DNAJC4: variants seen among roughly 807,000 people sequenced by gnomAD.
DNAJC4 encodes dnaJ homolog subfamily C member 4.
A neutral mutation model predicts 26.8 loss-of-function variants in DNAJC4; 26 were observed. The ratio of observed to expected loss-of-function variants is 0.97; its 90% confidence interval spans 0.71 to 1.34. DNAJC4 has a LOEUF of 1.34. Ranked by LOEUF, DNAJC4 falls within the 40% of genes most tolerant of loss-of-function variation. The pLI is 0.00. For synonymous variants in DNAJC4, 134 were observed against 127.8 expected (o/e 1.05, Z -0.33); for missense variants, 342 against 321.1 (o/e 1.07, Z -0.50).
chr11:64,234,105 AACG>A lies in DNAJC4; in HGVS notation c.648_650del (p.Arg217del). On this transcript the variant is annotated inframe_deletion, in exon 6 of 6. Transcript: ENST00000628077. The surrounding 1 kb of genome is among the most constrained non-coding windows in gnomAD (Gnocchi z 5.3). ...AGAGGCATCCTTCAGCAGGAGCGAC[AACG>A]GCTAGGGCAGCGGCAGCCGCCACCA... is the stretch of plus-strand genomic sequence containing the variant. The A allele has an allele frequency of 4.4e-6, 7 of 1,608,570 alleles. No individual in the cohort carries two copies. Among genetic ancestry groups the A allele is most frequent in the Non-Finnish European group, 5.9e-6 (7 of 1,178,626 alleles).
At position 64,231,971 on chromosome 11, in the gene DNAJC4, G is replaced by T. The variant is rs758063672; in HGVS notation, c.180+7G>T. On this transcript the variant is annotated splice_region_variant and intron_variant, in intron 2 of 5. Transcript: ENST00000628077. ...CTTCTCCAAGTCCAAAGAGGTACCC[G>T]TACCCCTGAGGTGGGGAGGGGGAGC... is the stretch of plus-strand genomic sequence containing the variant. 1 of 1,613,894 alleles carries T rather than the reference G, an allele frequency of 6.2e-7. No individual in the cohort carries two copies. The highest frequency in any genetic ancestry group is 1.1e-5 in the South Asian group (1 of 91,078).
At chr11:64,232,306 G>C (rs1947186223) in intron 2 of DNAJC4, 124 bp from the exon 3 acceptor site, 4 of 1,269,576 alleles carry the variant, frequency 3.2e-6, no homozygotes, top group African/African-American at 1.5e-5. Context: ...GCAGGCCTGA[G>C]TGAGGGTCAC....
rs907258476 is a variant in DNAJC4 at position 64,230,658 on chromosome 11, C to A, written c.-197C>A. On this transcript the variant is annotated 5_prime_UTR_variant, in exon 1 of 6. The change creates a premature stop within an existing upstream ORF in the 5' untranslated region. Coordinates refer to ENST00000628077, the MANE Select transcript of DNAJC4 (RefSeq NM_005528.4). ...TGGGAAGGGCTGCGGATGCCCGGGT[C>A]AGAGGAAGGGGCAGGTCCAAGGACA... The A allele has an allele frequency of 1.4e-6, 1 of 729,998 alleles. No individual in the cohort carries two copies. The highest frequency in any genetic ancestry group is 2.3e-6 in the Non-Finnish European group (1 of 442,294). 45.2% of individuals were successfully genotyped at this position (729,998 alleles called of 1,614,324 possible).
chr11:64,230,628 A>G lies in DNAJC4; in HGVS notation c.-227A>G. 2 of 649,628 alleles carry G rather than the reference A, an allele frequency of 3.1e-6. No homozygotes were observed. The highest frequency in any genetic ancestry group is 1.8e-5 in the South Asian group (1 of 54,756). 40.2% of individuals were successfully genotyped at this position (649,628 alleles called of 1,614,324 possible). A position where few individuals can be genotyped will look rare whatever the true frequency, so the allele number is the denominator to read the frequency against. On this transcript the variant is annotated 5_prime_UTR_variant, in exon 1 of 6. Coordinates refer to ENST00000628077, the MANE Select transcript of DNAJC4 (RefSeq NM_005528.4). Reference sequence around the variant, plus strand: ...GGCTGGGTGGCCAGACCCCGAAGCCAGCGCTGGGAAGGGCTGCGGATGCCC... The same window carrying G: ...GGCTGGGTGGCCAGACCCCGAAGCCGGCGCTGGGAAGGGCTGCGGATGCCC...
At position 64,230,702 on chromosome 11, in the gene DNAJC4, C is replaced by G. The variant is rs767502119; in HGVS notation, c.-153C>G. 9.3e-7 allele frequency: 1 copy of G among 1,077,246 alleles called. No homozygotes were observed. The highest frequency in any genetic ancestry group is 1.6e-5 in the African/African-American group (1 of 64,154). 66.7% of individuals were successfully genotyped at this position (1,077,246 alleles called of 1,614,324 possible). A position where few individuals can be genotyped will look rare whatever the true frequency, so the allele number is the denominator to read the frequency against. Reference sequence around the variant, plus strand: ...AAGGACACGCGGGTCTGGTCCTGGGCAAGAACCGCCCCCTCTCCGGGCCTG... The same window carrying G: ...AAGGACACGCGGGTCTGGTCCTGGGGAAGAACCGCCCCCTCTCCGGGCCTG... On this transcript the variant is annotated 5_prime_UTR_variant, in exon 1 of 6. Coordinates refer to ENST00000628077, the MANE Select transcript of DNAJC4 (RefSeq NM_005528.4).
chr11:64,230,621 CG>C lies in DNAJC4; in HGVS notation c.-233del, dbSNP rs1947160964. ...GGTCCCTGGCTGGGTGGCCAGACCC[CG>C]AAGCCAGCGCTGGGAAGGGCTGCGG... On this transcript the variant is annotated 5_prime_UTR_variant, in exon 1 of 6. Coordinates refer to ENST00000628077, the MANE Select transcript of DNAJC4 (RefSeq NM_005528.4). 1.6e-6 allele frequency: 1 copy of C among 642,058 alleles called. No homozygotes were observed. The highest frequency in any genetic ancestry group is 2.7e-5 in the Admixed American group (1 of 36,954). 39.8% of individuals were successfully genotyped at this position (642,058 alleles called of 1,614,324 possible).
rs767502119 is a variant in DNAJC4 at position 64,230,702 on chromosome 11, C to T, written c.-153C>T. On this transcript the variant is annotated 5_prime_UTR_variant, in exon 1 of 6. The change creates a premature stop within an existing upstream ORF in the 5' untranslated region. Coordinates refer to ENST00000628077, the MANE Select transcript of DNAJC4 (RefSeq NM_005528.4). Reference sequence around the variant, plus strand: ...AAGGACACGCGGGTCTGGTCCTGGGCAAGAACCGCCCCCTCTCCGGGCCTG... The same window carrying T: ...AAGGACACGCGGGTCTGGTCCTGGGTAAGAACCGCCCCCTCTCCGGGCCTG... 7 of 1,077,250 alleles carry T rather than the reference C, an allele frequency of 6.5e-6. No individual in the cohort carries two copies. Among genetic ancestry groups the T allele is most frequent in the Non-Finnish European group, 9.4e-6 (7 of 741,132 alleles). 66.7% of individuals were successfully genotyped at this position (1,077,250 alleles called of 1,614,324 possible).
chr11:64,230,581 G>A lies in DNAJC4; in HGVS notation c.-274G>A, dbSNP rs1051222620. On this transcript the variant is annotated 5_prime_UTR_variant, in exon 1 of 6. Coordinates refer to ENST00000628077, the MANE Select transcript of DNAJC4 (RefSeq NM_005528.4). ...CTCCCGTCCCCAAGTTCCCTGGGTGGGAACGGGGTCTTGGGGTCCCTGGCT... is the reference window on the plus strand; with the variant it reads ...CTCCCGTCCCCAAGTTCCCTGGGTGAGAACGGGGTCTTGGGGTCCCTGGCT... The A allele has an allele frequency of 1.6e-6, 1 of 609,654 alleles. No individual in the cohort carries two copies. The highest frequency in any genetic ancestry group is 3.0e-6 in the Non-Finnish European group (1 of 336,422). 37.8% of individuals were successfully genotyped at this position (609,654 alleles called of 1,614,324 possible).
Position 64,232,426 on chromosome 11 carries a change from C to G in DNAJC4, c.181-4C>G. The G allele has an allele frequency of 6.4e-7, 1 of 1,573,158 alleles. No homozygotes were observed. The highest frequency in any genetic ancestry group is 8.6e-7 in the Non-Finnish European group (1 of 1,156,544). On this transcript the variant is annotated splice_region_variant and splice_polypyrimidine_tract_variant and intron_variant, in intron 2 of 5. Coordinates refer to ENST00000628077, the MANE Select transcript of DNAJC4 (RefSeq NM_005528.4). The stretch of plus-strand genomic sequence containing the variant: ...GAGATAAGGGGAGTCCTGCCCCACC[C>G]CAGCTGCACCCAGACCGGGACCCTG...
chr11:64,233,500 C>G (rs1385730408), intron 4 of DNAJC4: 2 of 195,114 alleles, frequency 1.0e-5, no homozygotes, highest in Non-Finnish European at 2.2e-5. Flanking sequence ...CTCAGCCTCC[C>G]AAAGTACTGG....
At position 64,232,524 on chromosome 11, in the gene DNAJC4, G is replaced by T. The variant is rs769533900; in HGVS notation, c.275G>T (p.Arg92Leu). 1.9e-6 allele frequency: 3 copies of T among 1,613,300 alleles called. No homozygotes were observed. The highest frequency in any genetic ancestry group is 2.2e-5 in the South Asian group (2 of 91,018). ...CGTGTGCTCAGCCGTGAGCAGAGCC[G>T]CCGCAGCTATGATGACCAGCTCCGC... ...AYRVLSREQS[R>L]RSYDDQLRSG... The change falls in exon 3 of 6, where the codon CGC becomes CTC. Residue 92 changes from arginine to leucine, a missense_variant. Physicochemically the swap from Arg to Leu is moderately radical, Grantham distance 102. Coordinates refer to ENST00000628077, the MANE Select transcript of DNAJC4 (RefSeq NM_005528.4).
rs772795049 is a variant in DNAJC4 at position 64,234,137 on chromosome 11, G to A, written c.679G>A (p.Glu227Lys). 1.3e-6 allele frequency: 2 copies of A among 1,597,656 alleles called. No homozygotes were observed. The highest frequency in any genetic ancestry group is 1.7e-6 in the Non-Finnish European group (2 of 1,174,254). The change falls in exon 6 of 6, where the codon GAG becomes AAG. Residue 227 changes from glutamate to lysine, a missense_variant. Physicochemically the swap from Glu to Lys is moderately conservative, Grantham distance 56. Coordinates refer to ENST00000628077, the MANE Select transcript of DNAJC4 (RefSeq NM_005528.4). The surrounding 1 kb of genome is among the most constrained non-coding windows in gnomAD (Gnocchi z 5.3). ...AGGGCAGCGGCAGCCGCCACCATCC[G>A]AGCCAACCCAAGGCCCCGAGATCGT... ...RLGQRQPPPS[E>K]PTQGPEIVPR...
Position 64,234,166 on chromosome 11 carries a change from C to G in DNAJC4, c.708C>G (p.Pro236=). ...CAACCCAAGGCCCCGAGATCGTGCCCCGGGGCGCCGGCCCCTGAGGGGCTC... is the reference window on the plus strand; with the variant it reads ...CAACCCAAGGCCCCGAGATCGTGCCGCGGGGCGCCGGCCCCTGAGGGGCTC... ...SEPTQGPEIV[P]RGAGP Residue 236 remains proline, a synonymous_variant, in exon 6 of 6, where the codon CCC becomes CCG. Coordinates refer to ENST00000628077, the MANE Select transcript of DNAJC4 (RefSeq NM_005528.4). The surrounding 1 kb of genome is among the most constrained non-coding windows in gnomAD (Gnocchi z 5.3). 6.4e-7 allele frequency: 1 copy of G among 1,571,218 alleles called. No homozygotes were observed. The highest frequency in any genetic ancestry group is 8.6e-7 in the Non-Finnish European group (1 of 1,161,304).
At chr11:64,232,658 TG>T in intron 3 of DNAJC4, 44 bp downstream of exon 3, 1 of 1,579,472 alleles carries the variant, frequency 6.3e-7, no homozygotes. Flanking sequence ...CCAGGTCTCT[TG>T]GGTAGTCTCA....
chr11:64,234,140 C>A lies in DNAJC4; in HGVS notation c.682C>A (p.Pro228Thr). 6.3e-7 allele frequency: 1 copy of A among 1,596,834 alleles called. No individual in the cohort carries two copies. Among genetic ancestry groups the A allele is most frequent in the Non-Finnish European group, 8.5e-7 (1 of 1,173,814 alleles). The change falls in exon 6 of 6, where the codon CCA becomes ACA. Residue 228 changes from proline (P) to threonine (T), a missense_variant. Coordinates refer to ENST00000628077, the MANE Select transcript of DNAJC4 (RefSeq NM_005528.4). The surrounding 1 kb of genome is among the most constrained non-coding windows in gnomAD (Gnocchi z 5.3). ...LGQRQPPPSE[P>T]TQGPEIVPRG... ...GCAGCGGCAGCCGCCACCATCCGAG[C>A]CAACCCAAGGCCCCGAGATCGTGCC...
chr11:64,230,925 C>T lies in DNAJC4; in HGVS notation c.71C>T (p.Ala24Val), dbSNP rs1301717610. 1.9e-6 allele frequency: 3 copies of T among 1,565,294 alleles called. No homozygotes were observed. Among genetic ancestry groups the T allele is most frequent in the South Asian group, 2.3e-5 (2 of 86,540 alleles). The change falls in exon 1 of 6, where the codon GCG (alanine) becomes GTG (valine). Residue 24 changes from alanine (A) to valine (V), a missense_variant. Transcript: ENST00000628077. ...AACCCTCCCTCCCGGCTCCTCGGAG[C>T]GGCCGCCGGGCAGCGGTGAGTTGGG... ...PRNPPSRLLG[A>V]AAGQRSRPST...
At chr11:64,231,081 C>A in intron 1 of DNAJC4, 141 bp downstream of exon 1, 1 of 1,139,216 alleles carries the variant, frequency 8.8e-7, no homozygotes, top group Non-Finnish European at 1.3e-6. Context: ...TGCTGAGGAT[C>A]AGAGATAGAG....
At chr11:64,231,087 T>G in intron 1 of DNAJC4, 147 bp downstream of exon 1, 2 of 1,073,936 alleles carry the variant, frequency 1.9e-6, no homozygotes, top group Non-Finnish European at 1.4e-6. Context: ...GGATCAGAGA[T>G]AGAGAAGACC....
chr11:64,233,562 A>G (rs1459712301), intron 4 of DNAJC4: 2 of 325,762 alleles, frequency 6.1e-6, no homozygotes, highest in Non-Finnish European at 1.2e-5. Context: ...TTTCTATAGC[A>G]GATACCTAAA....
Sources: gnomAD v4.1 joint callset for allele counts on GRCh38, gnomAD v4.1.1 for gene constraint, Gnocchi (gnomAD v3.1) non-coding constraint, MANE v1.5 for transcripts, NCBI Gene and HGNC (gene_info 2026-07-23, HGNC 2026-07-21) for gene names.